The following WWC1 variants were observed in gnomAD, a reference collection of about 807,000 sequenced individuals.
WWC1 encodes the protein WW and C2 domain containing 1, also known as protein KIBRA.
A neutral mutation model predicts 138.4 loss-of-function variants in WWC1; 55 were observed. The ratio of observed to expected loss-of-function variants is 0.40; its 90% CI spans 0.32 to 0.50. WWC1 has a LOEUF of 0.50. Ranked by LOEUF, WWC1 falls within the 20% of genes least tolerant of loss-of-function variation. The probability of loss-of-function intolerance (pLI) is 0.72; values close to 1 mark genes in which losing one functional copy is unlikely to be tolerated. For missense variants in WWC1, 1,226 were observed against 1,420.4 expected, an observed-to-expected ratio of 0.86 and a Z score of 2.20; for synonymous variants, 524 against 564.9, an observed-to-expected ratio of 0.93 and a Z score of 1.03.
At chr5:168,464,502 C>T (rs896706622) in intron 20 of WWC1, among the ~76,000 whole-genome samples, 4 of 152,052 alleles carry the variant, frequency 2.6e-5, no homozygotes, top group African/African-American at 7.2e-5. Flanking sequence ...GAAAATGAAA[C>T]GAGGTTATGG....
intron 1 of WWC1, among the ~76,000 whole-genome samples, chr5:168,360,823 T>G (rs559282564): frequency 6.6e-6 from 1 of 152,220 alleles, no homozygotes; most frequent in African/African-American, 2.4e-5. Context: ...CCTCAAGCTG[T>G]GTGGTAAGGG....
At chr5:168,456,739 C>T (rs1317907046) in intron 19 of WWC1, among the ~76,000 whole-genome samples, 3 of 146,866 alleles carry the variant, frequency 2.0e-5, no homozygotes, top group Non-Finnish European at 4.5e-5. Context: ...TATGAACGTG[C>T]AGTAGAAATC....
At chr5:168,430,619 T>C (rs1177619790) in intron 14 of WWC1, among the ~76,000 whole-genome samples, 2 of 147,924 alleles carry the variant, frequency 1.4e-5, no homozygotes, top group Non-Finnish European at 3.0e-5. Flanking sequence ...CAGAGAGAGA[T>C]AGGTCTTCTG....
At chr5:168,447,013 G>C (rs1304886146) in intron 17 of WWC1, among the ~76,000 whole-genome samples, 1 of 152,178 alleles carries the variant, frequency 6.6e-6, no homozygotes, top group Non-Finnish European at 1.5e-5. Flanking sequence ...TTTCTGACCG[G>C]TAAGACCTTA....
intron 1 of WWC1, among the ~76,000 whole-genome samples, chr5:168,334,819 C>G (rs889540043): frequency 3.9e-5 from 6 of 152,250 alleles, no homozygotes; most frequent in Non-Finnish European, 8.8e-5. Context: ...AGCAGGGAGG[C>G]AGCTGAGGAT....
intron 19 of WWC1, 110 bp from the exon 20 acceptor site, chr5:168,460,540 G>A (rs1169929410): frequency 1.2e-5 from 11 of 938,366 alleles, no homozygotes; most frequent in African/African-American, 1.7e-5. Context: ...TTTGCAGAAG[G>A]AGAGGAAGGA....
chr5:168,458,072 A>G (rs1331567118), intron 19 of WWC1, among the ~76,000 whole-genome samples: 1 of 152,128 alleles, frequency 6.6e-6, no homozygotes. Context: ...CATCAGTGGG[A>G]GGTTGGCTTT....
chr5:168,306,153 T>G (rs1189890293), intron 1 of WWC1, among the ~76,000 whole-genome samples: 2 of 152,216 alleles, frequency 1.3e-5, no homozygotes, highest in African/African-American at 4.8e-5. Context: ...ATCCCAACAC[T>G]TTGGGAGGCT....
At chr5:168,340,264 C>T (rs1032263346) in intron 1 of WWC1, among the ~76,000 whole-genome samples, 4 of 151,988 alleles carry the variant, frequency 2.6e-5, no homozygotes, top group Admixed American at 6.6e-5. Flanking sequence ...TTAGTAGAGA[C>T]GGAGTTTCCT....
chr5:168,402,629 C>A (rs573914793), intron 5 of WWC1, among the ~76,000 whole-genome samples: 4 of 152,262 alleles, frequency 2.6e-5, no homozygotes, highest in African/African-American at 9.6e-5. Context: ...CTTCACCCCC[C>A]TTTTAAGAGA....
In WWC1 at chr5:168,469,771, C is replaced by G. The variant is rs565915343; in HGVS notation, c.*754C>G. The stretch of plus-strand genomic sequence containing the variant: ...CCTTTCAAAAAGAATCTTCCTCTTG[C>G]TCTCTTTTTCTTTCCTACCCCTCAC... On this transcript the variant is annotated 3_prime_UTR_variant, in exon 23 of 23. Transcript: ENST00000265293. 1.3e-5 allele frequency: 2 copies of G among 152,284 alleles called. No homozygotes were observed. Among genetic ancestry groups the G allele is most frequent in the East Asian group, 3.9e-4 (2 of 5,186 alleles). 9.4% of individuals were successfully genotyped at this position (152,284 alleles called of 1,614,324 possible). A position where few individuals can be genotyped will look rare whatever the true frequency, so the allele number is the denominator to read the frequency against.
chr5:168,409,691 C>T (rs1225068386), intron 7 of WWC1, among the ~76,000 whole-genome samples: 1 of 152,188 alleles, frequency 6.6e-6, no homozygotes, highest in African/African-American at 2.4e-5. Flanking sequence ...CTTTTGGCTT[C>T]TATTTTCAAA....
intron 10 of WWC1, 150 bp downstream of exon 10, chr5:168,422,247 C>A (rs143720656): frequency 4.0e-6 from 3 of 745,156 alleles, no homozygotes; most frequent in Non-Finnish European, 4.5e-6. Flanking sequence ...TCAGCAGACT[C>A]GGGCGTGGCC....
chr5:168,383,153 G>A (rs1200209602), intron 2 of WWC1, among the ~76,000 whole-genome samples: 2 of 150,750 alleles, frequency 1.3e-5, no homozygotes, highest in Non-Finnish European at 2.9e-5. Context: ...CTCCAGCCTG[G>A]GAGACAGAGC....
At chr5:168,458,157 C>T (rs896632112) in intron 19 of WWC1, among the ~76,000 whole-genome samples, 1 of 152,182 alleles carries the variant, frequency 6.6e-6, no homozygotes, top group Non-Finnish European at 1.5e-5. Flanking sequence ...GCAACACTTC[C>T]AGCCCCCACA....
intron 1 of WWC1, among the ~76,000 whole-genome samples, chr5:168,332,430 G>T (rs1226752659): frequency 6.6e-6 from 1 of 152,090 alleles, no homozygotes; most frequent in Non-Finnish European, 1.5e-5. Context: ...TTCCTTTTCT[G>T]GTTGCATCTA....
chr5:168,418,955 T>C (rs1780872084), intron 9 of WWC1, among the ~76,000 whole-genome samples: 1 of 152,206 alleles, frequency 6.6e-6, no homozygotes. Context: ...GGGATTGAGC[T>C]GACCAAGAAC....
intron 11 of WWC1, among the ~76,000 whole-genome samples, chr5:168,427,824 G>T (rs1000445111): frequency 2.0e-5 from 3 of 151,996 alleles, no homozygotes; most frequent in Admixed American, 6.6e-5. Flanking sequence ...AGCTGGGTAT[G>T]GTGGCACATG....
At chr5:168,311,375 G>A (rs536984566) in intron 1 of WWC1, among the ~76,000 whole-genome samples, 31 of 152,256 alleles carry the variant, frequency 2.0e-4, no homozygotes, top group Admixed American at 9.2e-4. Context: ...GGGCAGGTGC[G>A]GGCTGCAACA....
Sources: allele counts gnomAD v4.1 joint callset (sites outside exome capture counted in the v4.1 genomes callset), GRCh38; gene constraint gnomAD v4.1.1; transcripts MANE v1.5; gene names NCBI Gene and HGNC (gene_info 2026-07-23, HGNC 2026-07-21).